GLG1: variants seen among roughly 807,000 people sequenced by gnomAD.
The protein encoded by GLG1 is golgi glycoprotein 1, also known as Golgi apparatus protein 1.
In GLG1, 38 loss-of-function variants were observed where a neutral mutation model predicts 160.5. The ratio of observed to expected loss-of-function variants is 0.24; its 90% confidence interval spans 0.18 to 0.31. The LOEUF (loss-of-function observed/expected upper bound fraction) is 0.31, where lower values mean the gene tolerates loss of function less well. Ranked by LOEUF, GLG1 falls within the 10% of genes least tolerant of loss-of-function variation. The pLI is 1.00. For missense variants in GLG1, 1,373 were observed against 1,505.2 expected (o/e 0.91, Z 1.45); for synonymous variants, 644 against 543.4 (o/e 1.19, Z -2.57).
In GLG1 at chr16:74,549,026, T is replaced by TA. The variant is rs1373913128; in HGVS notation, c.439-16874dup. Among the ~76,000 whole-genome samples the TA allele has an allele frequency of 2.0e-5, 3 of 152,142 alleles. No homozygotes were observed. The East Asian group carries it at 5.8e-4, about 29-fold the overall frequency. On this transcript the variant is annotated intron_variant, in intron 1 of 25. Transcript: ENST00000422840. ...AATAATAGTAATACCAAACAACACT[T>TA]AATTTTTCAGTCATTTGCCAATCAG...
chr16:74,573,890 C>T (rs1345490970), intron 1 of GLG1, among the ~76,000 whole-genome samples: 8 of 151,704 alleles, frequency 5.3e-5, no homozygotes, highest in African/African-American at 1.7e-4. Context: ...GCCTCCCAGG[C>T]GAAAGTGATT....
At chr16:74,518,130 T>C (rs966935830) in intron 2 of GLG1, among the ~76,000 whole-genome samples, 1 of 152,074 alleles carries the variant, frequency 6.6e-6, no homozygotes, top group African/African-American at 2.4e-5. Flanking sequence ...CTACCCAAAG[T>C]AATTTATAGA....
At chr16:74,511,718 C>T (rs1343600907) in intron 2 of GLG1, among the ~76,000 whole-genome samples, 6 of 151,798 alleles carry the variant, frequency 4.0e-5, no homozygotes, top group African/African-American at 1.2e-4. Context: ...ACTATTTTAT[C>T]GAATGCAAAG....
chr16:74,565,253 C>A (rs1373871153), intron 1 of GLG1, among the ~76,000 whole-genome samples: 1 of 152,072 alleles, frequency 6.6e-6, no homozygotes, highest in East Asian at 1.9e-4. Flanking sequence ...CACTTGAACC[C>A]AGGGGGCAGA....
chr16:74,587,858 A>G (rs1358026498), intron 1 of GLG1, among the ~76,000 whole-genome samples: 2 of 152,236 alleles, frequency 1.3e-5, no homozygotes, highest in Non-Finnish European at 2.9e-5. Flanking sequence ...CCGCTTCAAA[A>G]AAGAAAAAAA....
intron 1 of GLG1, among the ~76,000 whole-genome samples, chr16:74,587,627 G>C (rs560464627): frequency 6.6e-6 from 1 of 152,166 alleles, no homozygotes; most frequent in Non-Finnish European, 1.5e-5. Flanking sequence ...CCAGCATTTC[G>C]GGAGGCCGAA....
chr16:74,516,151 CAG>C (rs1175347103), intron 2 of GLG1, among the ~76,000 whole-genome samples: 4 of 151,558 alleles, frequency 2.6e-5, no homozygotes, highest in African/African-American at 9.8e-5. Flanking sequence ...ATCAACGAGA[CAG>C]AAAGTTAAGA....
At chr16:74,510,735 T>A (rs1480367861) in intron 2 of GLG1, among the ~76,000 whole-genome samples, 1 of 152,136 alleles carries the variant, frequency 6.6e-6, no homozygotes, top group Non-Finnish European at 1.5e-5. Context: ...CCAGACACAG[T>A]GTTAGGAACT....
chr16:74,574,591 G>C (rs1458152116), intron 1 of GLG1, among the ~76,000 whole-genome samples: 1 of 151,966 alleles, frequency 6.6e-6, no homozygotes, highest in African/African-American at 2.4e-5. Context: ...ATAAAAAAGA[G>C]GTAGAATCTA....
At position 74,452,401 on chromosome 16, in the gene GLG1, C is replaced by T; in HGVS notation, c.*766G>A. 1 of 1,205,756 alleles carries T rather than the reference C, an allele frequency of 8.3e-7. No individual in the cohort carries two copies. The highest frequency in any genetic ancestry group is 1.0e-6 in the Non-Finnish European group (1 of 961,198). The allele number at this position is 1,205,756 out of a possible 1,614,324, so 74.7% of individuals were successfully genotyped here. A position where few individuals can be genotyped will look rare whatever the true frequency, so the allele number is the denominator to read the frequency against. ...TGGATGGACTGTTCAACTTCACAAA[C>T]TTCCGGTCCCTTCCCCTCCCCAGCT... On this transcript the variant is annotated 3_prime_UTR_variant, in exon 26 of 26. Transcript: ENST00000422840.
At chr16:74,476,277 G>A (rs1320021205) in intron 12 of GLG1, among the ~76,000 whole-genome samples, 2 of 152,118 alleles carry the variant, frequency 1.3e-5, no homozygotes, top group African/African-American at 2.4e-5. Context: ...GGGTTCTAAA[G>A]GAAACTATTT....
chr16:74,573,581 C>CTTTTTT, intron 1 of GLG1, among the ~76,000 whole-genome samples: 1 of 102,660 alleles, frequency 9.7e-6, no homozygotes, highest in Non-Finnish European at 1.9e-5. Context: ...TTTATCTTGC[C>CTTTTTT]TTTTTTTTTT....
At chr16:74,580,666 G>C (rs1349869250) in intron 1 of GLG1, among the ~76,000 whole-genome samples, 3 of 152,102 alleles carry the variant, frequency 2.0e-5, no homozygotes, top group Admixed American at 6.6e-5. Context: ...AAAAGAAAAT[G>C]ATAAAGTAAA....
At chr16:74,533,822 A>T (rs1158304876) in intron 1 of GLG1, among the ~76,000 whole-genome samples, 1 of 152,162 alleles carries the variant, frequency 6.6e-6, no homozygotes, top group Non-Finnish European at 1.5e-5. Flanking sequence ...ATAGTATTCG[A>T]ATCTGTTTAT....
At position 74,567,862 on chromosome 16, in the gene GLG1, C is replaced by T. The variant is rs150274968; in HGVS notation, c.439-35709G>A. On this transcript the variant is annotated intron_variant, in intron 1 of 25. Coordinates refer to ENST00000422840, the MANE Select transcript of GLG1 (RefSeq NM_001145667.2). ...GGATTACAGGCGTGAGCCACCGCGCCCGGCCATATGGTGCACTTTCATTGT... is the reference window on the plus strand; with the variant it reads ...GGATTACAGGCGTGAGCCACCGCGCTCGGCCATATGGTGCACTTTCATTGT... Among the ~76,000 whole-genome samples the T allele has an allele frequency of 3.3e-5, 5 of 152,126 alleles. No homozygotes were observed. In the East Asian group the frequency reaches 9.7e-4, roughly 30 times the overall value.
chr16:74,485,065 C>T (rs1373126108), intron 9 of GLG1, among the ~76,000 whole-genome samples: 2 of 152,134 alleles, frequency 1.3e-5, no homozygotes, highest in Non-Finnish European at 2.9e-5. Context: ...AGGCATGCAC[C>T]ACCACGCCAG....
chr16:74,571,421 T>C (rs1262091222), intron 1 of GLG1, among the ~76,000 whole-genome samples: 1 of 152,144 alleles, frequency 6.6e-6, no homozygotes, highest in Non-Finnish European at 1.5e-5. Flanking sequence ...ACGCAAGTAA[T>C]CCATGTTTTG....
At chr16:74,601,059 A>C (rs946641182) in intron 1 of GLG1, among the ~76,000 whole-genome samples, 2 of 152,176 alleles carry the variant, frequency 1.3e-5, no homozygotes, top group Non-Finnish European at 2.9e-5. Context: ...ACAGCATAGG[A>C]GGAAATTCCA....
intron 1 of GLG1, among the ~76,000 whole-genome samples, chr16:74,551,906 G>C (rs866620889): frequency 6.6e-6 from 1 of 151,038 alleles, no homozygotes; most frequent in South Asian, 2.1e-4. Flanking sequence ...CTAGAATAGG[G>C]AGTTAATTAT....
Sources: allele counts gnomAD v4.1 joint callset (sites outside exome capture counted in the v4.1 genomes callset), GRCh38; gene constraint gnomAD v4.1.1; transcripts MANE v1.5; gene names NCBI Gene and HGNC (gene_info 2026-07-23, HGNC 2026-07-21).